Variants in ROR2 observed in about 807,000 individuals in gnomAD.
ROR2 encodes tyrosine-protein kinase transmembrane receptor ROR2.
In ROR2, 33 loss-of-function variants were observed where a neutral mutation model predicts 74.9. The observed-to-expected ratio is 0.44, with a 90% CI of 0.33 to 0.59. The LOEUF is 0.59. ROR2 is among the 20% of genes least tolerant of loss of function. The pLI, the probability that ROR2 is intolerant of heterozygous loss-of-function variation, is 0.02. For synonymous variants in ROR2, 586 were observed against 558.7 expected, an observed-to-expected ratio of 1.05 and a Z score of -0.69; for missense variants, 1,216 against 1,313.8, an observed-to-expected ratio of 0.93 and a Z score of 1.15.
chr9:91,776,704 A>G (rs1826429914), intron 1 of ROR2, among the ~76,000 whole-genome samples: 1 of 152,248 alleles, frequency 6.6e-6, no homozygotes, highest in African/African-American at 2.4e-5. Flanking sequence ...CTGCTGAAGT[A>G]TTAAAGACTT....
At chr9:91,896,076 A>G (rs935861279) in intron 1 of ROR2, among the ~76,000 whole-genome samples, 4 of 152,214 alleles carry the variant, frequency 2.6e-5, no homozygotes, top group African/African-American at 9.6e-5. Context: ...ACAAATGCCC[A>G]AGGTTAATGT....
chr9:91,852,063 C>T (rs1294218769), intron 1 of ROR2, among the ~76,000 whole-genome samples: 1 of 151,230 alleles, frequency 6.6e-6, no homozygotes, highest in Non-Finnish European at 1.5e-5. Context: ...GAGTGTTGTG[C>T]CTTTCTCACT....
chr9:91,856,341 C>T (rs1010698340), intron 1 of ROR2, among the ~76,000 whole-genome samples: 2 of 152,196 alleles, frequency 1.3e-5, no homozygotes, highest in African/African-American at 4.8e-5. Context: ...GGCAACAAAA[C>T]GAGACCTTAA....
At chr9:91,900,484 G>C (rs1222208352) in intron 1 of ROR2, among the ~76,000 whole-genome samples, 1 of 152,212 alleles carries the variant, frequency 6.6e-6, no homozygotes, top group Non-Finnish European at 1.5e-5. Flanking sequence ...ACACGAGGGC[G>C]CCGGGCCTGC....
chr9:91,927,360 G>C (rs536912970), intron 1 of ROR2, among the ~76,000 whole-genome samples: 1 of 152,288 alleles, frequency 6.6e-6, no homozygotes, highest in African/African-American at 2.4e-5. Flanking sequence ...CTGCCTGCAA[G>C]AAAAGTCCTT....
intron 1 of ROR2, among the ~76,000 whole-genome samples, chr9:91,946,337 G>C (rs1832013304): frequency 6.6e-6 from 1 of 152,204 alleles, no homozygotes; most frequent in Non-Finnish European, 1.5e-5. Flanking sequence ...ACAACCAATG[G>C]GCAAGAGCAA....
chr9:91,904,146 T>C (rs556203594), intron 1 of ROR2, among the ~76,000 whole-genome samples: 7 of 151,754 alleles, frequency 4.6e-5, no homozygotes, highest in Non-Finnish European at 1.0e-4. Context: ...GTTCAGGCAA[T>C]TCTCCTGCCT....
chr9:91,870,053 A>AT (rs1829751644), intron 1 of ROR2, among the ~76,000 whole-genome samples: 1 of 152,016 alleles, frequency 6.6e-6, no homozygotes, highest in Non-Finnish European at 1.5e-5. Context: ...AATGAAGAAG[A>AT]TTTTGAGGCA....
chr9:91,894,796 A>T (rs1195334304), intron 1 of ROR2, among the ~76,000 whole-genome samples: 1 of 152,192 alleles, frequency 6.6e-6, no homozygotes, highest in Non-Finnish European at 1.5e-5. Flanking sequence ...TGCTGGGAGG[A>T]TGTGGAGCAA....
intron 1 of ROR2, among the ~76,000 whole-genome samples, chr9:91,870,910 T>C (rs1026815561): frequency 6.6e-6 from 1 of 152,264 alleles, no homozygotes; most frequent in Non-Finnish European, 1.5e-5. Context: ...CTTTAGTTTC[T>C]GGAATGCTAT....
chr9:91,925,778 G>T (rs768935873), intron 1 of ROR2, among the ~76,000 whole-genome samples: 2 of 152,170 alleles, frequency 1.3e-5, no homozygotes, highest in Non-Finnish European at 2.9e-5. Flanking sequence ...TCATTGCACA[G>T]AATTTGGGGG....
At chr9:91,935,530 T>C (rs1276474201) in intron 1 of ROR2, among the ~76,000 whole-genome samples, 1 of 152,192 alleles carries the variant, frequency 6.6e-6, no homozygotes, top group Non-Finnish European at 1.5e-5. Context: ...AAATCACACT[T>C]GCTGACAGCC....
intron 1 of ROR2, chr9:91,948,875 G>C (rs760197137): frequency 1.1e-5 from 11 of 985,436 alleles, no homozygotes; most frequent in East Asian, 1.1e-4. Flanking sequence ...CCGAGAATCC[G>C]GCCCGAGGCG....
chr9:91,921,921 G>T lies in ROR2; in HGVS notation c.97+27946C>A, dbSNP rs531591851. 2.0e-5 allele frequency among the ~76,000 whole-genome samples: 3 copies of T among 146,702 alleles called. No homozygotes were observed. The South Asian group carries it at 6.5e-4, about 32-fold the overall frequency. On this transcript the variant is annotated intron_variant, in intron 1 of 8. Transcript: ENST00000375708. Reference sequence around the variant, plus strand: ...ATAATAAAAAGACAACCCAAGGTGAGATTGGGCAAAGGATCTGAATAGACA... The same window carrying T: ...ATAATAAAAAGACAACCCAAGGTGATATTGGGCAAAGGATCTGAATAGACA...
intron 1 of ROR2, among the ~76,000 whole-genome samples, chr9:91,842,817 A>G (rs942761112): frequency 1.2e-4 from 18 of 152,198 alleles, no homozygotes; most frequent in Non-Finnish European, 1.5e-5. Context: ...TCCAGCTGGC[A>G]CACAGGTGCC....
At chr9:91,934,481 C>T (rs1831631314) in intron 1 of ROR2, among the ~76,000 whole-genome samples, 1 of 151,626 alleles carries the variant, frequency 6.6e-6, no homozygotes, top group African/African-American at 2.4e-5. Context: ...CACCCACACA[C>T]CCAAAGCACA....
chr9:91,736,248 C>T (rs1216911187), intron 5 of ROR2, among the ~76,000 whole-genome samples: 1 of 152,186 alleles, frequency 6.6e-6, no homozygotes, highest in Non-Finnish European at 1.5e-5. Context: ...GCCCTGTCCT[C>T]AGAGGTCTCT....
At position 91,734,761 on chromosome 9, in the gene ROR2, G is replaced by A. The variant is rs182578217; in HGVS notation, c.623-1325C>T. On this transcript the variant is annotated intron_variant, in intron 5 of 8. Coordinates refer to ENST00000375708, the MANE Select transcript of ROR2 (RefSeq NM_004560.4). ...CAGAGCCTATAAAGTGGCCCTCAGCGTGAATGGGCCCAGGGGTCTGGTAAA... is the reference window on the plus strand; with the variant it reads ...CAGAGCCTATAAAGTGGCCCTCAGCATGAATGGGCCCAGGGGTCTGGTAAA... 1.0e-3 allele frequency among the ~76,000 whole-genome samples: 154 copies of A among 152,308 alleles called. 1 individual carries two copies. Among genetic ancestry groups the A allele is most frequent in the African/African-American group, 3.4e-3 (141 of 41,568 alleles).
At chr9:91,911,286 C>T (rs534963105) in intron 1 of ROR2, among the ~76,000 whole-genome samples, 22 of 152,314 alleles carry the variant, frequency 1.4e-4, no homozygotes, top group African/African-American at 5.1e-4. Context: ...TGTTGCCATG[C>T]GTGCATCAGA....
Sources: gnomAD v4.1 joint callset for allele counts (sites outside exome capture counted in the v4.1 genomes callset) on GRCh38, gnomAD v4.1.1 for gene constraint, MANE v1.5 for transcripts, NCBI Gene and HGNC (gene_info 2026-07-23, HGNC 2026-07-21) for gene names.